Variants in HLA-DQA2 observed in about 807,000 individuals in gnomAD.
The protein encoded by HLA-DQA2 is HLA class II histocompatibility antigen, DQ alpha 2 chain.
Under a neutral mutation model 21.0 loss-of-function variants are expected in HLA-DQA2, and 17 were observed. The ratio of observed to expected loss-of-function variants is 0.81; its 90% CI spans 0.56 to 1.22. The LOEUF (loss-of-function observed/expected upper bound fraction) is 1.22, where lower values mean the gene tolerates loss of function less well. Among genes scored for constraint, HLA-DQA2 ranks in the 50% most tolerant of loss-of-function variants. The pLI is 0.00. For missense variants in HLA-DQA2, 239 were observed against 308.8 expected (o/e 0.77, Z 1.69); for synonymous variants, 81 against 116.5 (o/e 0.70, Z 1.96).
At chr6:32,741,557 G>T (rs764361665) in intron 1 of HLA-DQA2, 32 bp downstream of exon 1, 1 of 1,592,496 alleles carries the variant, frequency 6.3e-7, no homozygotes, top group South Asian at 1.1e-5. Flanking sequence ...GTTCTCTGGA[G>T]CTGAAAAACA....
intron 1 of HLA-DQA2, 62 bp downstream of exon 1, chr6:32,741,587 A>AGAAAGC: frequency 3.2e-5 from 47 of 1,461,722 alleles, no homozygotes; most frequent in Middle Eastern, 1.7e-4. Context: ...AGGAAAAGAG[A>AGAAAGC]GAGTGTAATT....
chr6:32,746,163 C>A (rs2113873683), intron 3 of HLA-DQA2, 77 bp from the exon 4 acceptor site: 1 of 1,588,592 alleles, frequency 6.3e-7, no homozygotes, highest in Middle Eastern at 1.7e-4. Context: ...CAGAGCCAGC[C>A]CTCCACCCCA....
chr6:32,746,255 C>T lies in HLA-DQA2; in HGVS notation c.629C>T (p.Ala210Val). The T allele has an allele frequency of 6.2e-7, 1 of 1,613,104 alleles. No homozygotes were observed. Among genetic ancestry groups the T allele is most frequent in the East Asian group, 2.2e-5 (1 of 44,890 alleles). The change falls in exon 4 of 5, where the codon GCC becomes GTC. Residue 210 changes from alanine (A) to valine (V), a missense_variant. Transcript: ENST00000374940. ...ACTTTCACAGAGCCTGAGATTCCAGCCCCTATGTCAGAGCTCACAGAGACT... is the reference window on the plus strand; with the variant it reads ...ACTTTCACAGAGCCTGAGATTCCAGTCCCTATGTCAGAGCTCACAGAGACT... ...LLKHWEPEIP[A>V]PMSELTETLV...
chr6:32,741,500 C>A lies in HLA-DQA2; in HGVS notation c.57C>A (p.Ser19Arg), dbSNP rs1418274187. 1.9e-6 allele frequency: 3 copies of A among 1,613,954 alleles called. No homozygotes were observed. Among genetic ancestry groups the A allele is most frequent in the Non-Finnish European group, 2.5e-6 (3 of 1,179,988 alleles). The change falls in exon 1 of 5, where the codon AGC (serine) becomes AGA (arginine). Residue 19 changes from serine (S) to arginine (R), a missense_variant. Physicochemically the swap from Ser to Arg is moderately radical, Grantham distance 110 (BLOSUM62 -1). Transcript: ENST00000374940. ...CCCTCGCCCTGACTGCCGTGATGAG[C>A]CCCTGTGGAGGTGAAGACATTGTGG... ...LGALALTAVM[S>R]PCGGEDIVAD...
chr6:32,746,532 C>A, intron 4 of HLA-DQA2, 50 bp from the exon 5 acceptor site: 1 of 1,076,782 alleles, frequency 9.3e-7, no homozygotes, highest in Non-Finnish European at 1.4e-6. Flanking sequence ...GCATGATGAT[C>A]ACACAGGAGG....
intron 1 of HLA-DQA2, among the ~76,000 whole-genome samples, chr6:32,744,308 G>T (rs9276428): frequency 0.61 from 91,597 of 149,786 alleles, 27,914 homozygotes; most frequent in East Asian, 0.84. Context: ...GCTCTGCCCT[G>T]GCATCCTCGG....
At chr6:32,743,465 C>G (rs1178027811) in intron 1 of HLA-DQA2, among the ~76,000 whole-genome samples, 1 of 152,228 alleles carries the variant, frequency 6.6e-6, no homozygotes, top group Non-Finnish European at 1.5e-5. Context: ...ATCATGCTGT[C>G]TGCCTTGCAG....
chr6:32,741,520 T>C lies in HLA-DQA2; in HGVS notation c.77T>C (p.Ile26Thr). ...ATGAGCCCCTGTGGAGGTGAAGACA[T>C]TGTGGGTGAGTACATGAGTGAGGAA... ...AVMSPCGGED[I>T]VADHVASYGV... Residue 26 changes from isoleucine (I) to threonine (T), a missense_variant, in exon 1 of 5, where the codon ATT becomes ACT. Ile to Thr is a moderately conservative substitution (Grantham distance 89, BLOSUM62 -1). Coordinates refer to ENST00000374940, the MANE Select transcript of HLA-DQA2 (RefSeq NM_020056.5). 6.2e-7 allele frequency: 1 copy of C among 1,613,938 alleles called. No individual in the cohort carries two copies. The highest frequency in any genetic ancestry group is 8.5e-7 in the Non-Finnish European group (1 of 1,179,876).
At chr6:32,745,029 G>A in intron 1 of HLA-DQA2, 130 bp from the exon 2 acceptor site, 1 of 1,063,196 alleles carries the variant, frequency 9.4e-7, no homozygotes, top group East Asian at 2.4e-5. Flanking sequence ...CAGGTGTTAG[G>A]AAGATTGTTC....
rs17213281 is a variant in HLA-DQA2, at chr6:32,745,241, C to T, written c.165C>T (p.Asp55=). The T allele has an allele frequency of 0.16, 252,744 of 1,609,554 alleles. 19,348 individuals are homozygous for T. The highest frequency in any genetic ancestry group is 0.24 in the African/African-American group (18,118 of 74,446). The part of the protein sequence containing the change: ...SGQYTHEFDG[D]EEFYVDLETK... ...AGTACACCCATGAATTTGATGGAGACGAGGAGTTCTATGTGGACCTGGAGA... is the reference window on the plus strand; with the variant it reads ...AGTACACCCATGAATTTGATGGAGATGAGGAGTTCTATGTGGACCTGGAGA... The change falls in exon 2 of 5, where the codon GAC becomes GAT. Residue 55 remains aspartate, a synonymous_variant. Coordinates refer to ENST00000374940, the MANE Select transcript of HLA-DQA2 (RefSeq NM_020056.5).
At chr6:32,746,142 C>T in intron 3 of HLA-DQA2, 70 bp downstream of exon 3, 1 of 1,612,576 alleles carries the variant, frequency 6.2e-7, no homozygotes, top group Non-Finnish European at 8.5e-7. Context: ...AGCCTGGGGC[C>T]TTGAGTCTTG....
chr6:32,746,994 G>T lies in HLA-DQA2; in HGVS notation c.*433G>T. On this transcript the variant is annotated 3_prime_UTR_variant, in exon 5 of 5. Transcript: ENST00000374940. The stretch of plus-strand genomic sequence containing the variant: ...TAGGCCAATTTCATATCATTCCCCA[G>T]ATCATATTTCAAGTCCAGTAACACA... The T allele has an allele frequency of 3.7e-6, 1 of 267,014 alleles. No homozygotes were observed. 16.5% of individuals were successfully genotyped at this position (267,014 alleles called of 1,614,324 possible).
At chr6:32,744,471 G>A (rs569618879) in intron 1 of HLA-DQA2, among the ~76,000 whole-genome samples, 17 of 151,978 alleles carry the variant, frequency 1.1e-4, no homozygotes, top group African/African-American at 1.7e-4. Flanking sequence ...AAAACCAGTT[G>A]AGCTTCCACT....
chr6:32,745,056 A>G, intron 1 of HLA-DQA2, 103 bp from the exon 2 acceptor site: 2 of 1,367,186 alleles, frequency 1.5e-6, no homozygotes, highest in Non-Finnish European at 2.0e-6. Flanking sequence ...TGTGCCAAAG[A>G]TGAAGCCCAT....
In HLA-DQA2 at chr6:32,745,818, A is replaced by G. The variant is rs546632638; in HGVS notation, c.359A>G (p.Lys120Arg). ...GTTCCTGAGGTCACAGTGTTTTCCA[A>G]GTTTCCTGTGACGCTGGGTCAGCCC... The part of the protein sequence containing the change: ...NEVPEVTVFS[K>R]FPVTLGQPNT... The change falls in exon 3 of 5, where the codon AAG becomes AGG. Residue 120 changes from lysine (K) to arginine (R), a missense_variant. Lys to Arg is a conservative substitution (Grantham distance 26). Transcript: ENST00000374940. 3.0e-5 allele frequency: 49 copies of G among 1,613,104 alleles called. No homozygotes were observed. In the Admixed American group the frequency reaches 4.8e-4, roughly 16 times the overall value.
At chr6:32,741,936 T>G (rs1348257064) in intron 1 of HLA-DQA2, among the ~76,000 whole-genome samples, 1 of 152,310 alleles carries the variant, frequency 6.6e-6, no homozygotes, top group South Asian at 2.1e-4. Flanking sequence ...TTGGGGTAGA[T>G]AGTTCCATGA....
intron 1 of HLA-DQA2, among the ~76,000 whole-genome samples, chr6:32,742,499 A>G (rs4452680): frequency 0.062 from 9,398 of 151,940 alleles, 739 homozygotes; most frequent in African/African-American, 0.18. Context: ...TCCATCTCTG[A>G]CTCCCTGCTC....
At chr6:32,744,327 G>A (rs9276429) in intron 1 of HLA-DQA2, among the ~76,000 whole-genome samples, 94,796 of 148,222 alleles carry the variant, frequency 0.64, 30,058 homozygotes, top group East Asian at 0.85. Context: ...GGATAAGCTC[G>A]CTGCCCATTA....
rs540118474 is a variant in HLA-DQA2, at chr6:32,745,495, T to G, written c.331+88T>G. 6.4e-6 allele frequency: 9 copies of G among 1,403,022 alleles called. No homozygotes were observed. In the South Asian group the frequency reaches 8.7e-5, roughly 14 times the overall value. 86.9% of individuals were successfully genotyped at this position (1,403,022 alleles called of 1,614,324 possible). A position where few individuals can be genotyped will look rare whatever the true frequency, so the allele number is the denominator to read the frequency against. On this transcript the variant is annotated intron_variant, in intron 2 of 4. Transcript: ENST00000374940. Reference sequence around the variant, plus strand: ...CTTCTTCTCAAGAGATTTCCAGATCTTCTCATGGTAATTGCTGAAATTTTA... The same window carrying G: ...CTTCTTCTCAAGAGATTTCCAGATCGTCTCATGGTAATTGCTGAAATTTTA...
Sources: gnomAD v4.1 joint callset for allele counts (sites outside exome capture counted in the v4.1 genomes callset) on GRCh38, gnomAD v4.1.1 for gene constraint, MANE v1.5 for transcripts, NCBI Gene and HGNC (gene_info 2026-07-23, HGNC 2026-07-21) for gene names.